COMMD1: variants seen among roughly 807,000 people sequenced by gnomAD.
The protein encoded by COMMD1 is copper metabolism domain containing 1, also known as COMM domain-containing protein 1.
Under a neutral mutation model 17.2 loss-of-function variants are expected in COMMD1, and 10 were observed. The ratio of observed to expected loss-of-function variants is 0.58; its 90% confidence interval spans 0.36 to 0.99. COMMD1 has a LOEUF of 0.99. COMMD1 is among the 50% of genes least tolerant of loss of function. The pLI, the probability that COMMD1 is intolerant of heterozygous loss-of-function variation, is 0.01. For missense variants in COMMD1, 270 were observed against 231.8 expected (o/e 1.17, Z -1.07); for synonymous variants, 97 against 91.6 (o/e 1.06, Z -0.34).
At chr2:62,044,884 C>T (rs1337697588) in intron 2 of COMMD1, among the ~76,000 whole-genome samples, 2 of 149,356 alleles carry the variant, frequency 1.3e-5, no homozygotes, top group Non-Finnish European at 3.0e-5. Context: ...AATAAACTAT[C>T]AAAGAGCTTC....
At chr2:62,086,949 A>C (rs913674043) in intron 2 of COMMD1, among the ~76,000 whole-genome samples, 5 of 151,746 alleles carry the variant, frequency 3.3e-5, no homozygotes, top group Middle Eastern at 3.4e-3. Context: ...TCTGCCTCTC[A>C]AGTAGCTGGG....
chr2:61,909,175 G>T (rs1669844186), intron 1 of COMMD1, among the ~76,000 whole-genome samples: 1 of 152,024 alleles, frequency 6.6e-6, no homozygotes, highest in Admixed American at 6.6e-5. Flanking sequence ...TGATCTGCCC[G>T]CCTCGGCCTC....
At chr2:62,113,520 A>G (rs1411655134) in intron 2 of COMMD1, among the ~76,000 whole-genome samples, 1 of 152,116 alleles carries the variant, frequency 6.6e-6, no homozygotes, top group East Asian at 1.9e-4. Context: ...AGTAGCTGGG[A>G]TCACAGGCAC....
At chr2:62,118,906 C>T (rs1303621356) in intron 2 of COMMD1, 1 of 152,202 alleles carries the variant, frequency 6.6e-6, no homozygotes, top group East Asian at 1.9e-4. Context: ...GTGAGATCAT[C>T]ACCATCAACC....
rs557480948 is a variant in COMMD1 at position 62,058,502 on chromosome 2, A to G, written c.462+57520A>G. 3.1e-3 allele frequency among the ~76,000 whole-genome samples: 470 copies of G among 152,272 alleles called. 1 individual carries two copies. The highest frequency in any genetic ancestry group is 0.011 in the African/African-American group (449 of 41,566). ...TCAAATTTTCTTCTTAAGACCAGGC[A>G]TGGTGGCTTATACCTGTAATTGCAG... On this transcript the variant is annotated intron_variant, in intron 2 of 2. Transcript: ENST00000311832.
chr2:62,041,756 C>G (rs778455340), intron 2 of COMMD1, among the ~76,000 whole-genome samples: 1 of 152,206 alleles, frequency 6.6e-6, no homozygotes, highest in Non-Finnish European at 1.5e-5. Context: ...GATGGTGTGT[C>G]TGGAGTTCGT....
chr2:61,926,431 C>A (rs1305695124), intron 1 of COMMD1, among the ~76,000 whole-genome samples: 1 of 152,048 alleles, frequency 6.6e-6, no homozygotes, highest in Non-Finnish European at 1.5e-5. Flanking sequence ...TGTCAAAAGA[C>A]AAAATTACAA....
chr2:61,898,972 G>GT (rs1390205182), intron 1 of COMMD1, among the ~76,000 whole-genome samples: 1 of 152,132 alleles, frequency 6.6e-6, no homozygotes, highest in African/African-American at 2.4e-5. Context: ...CTGCTACCAA[G>GT]TTTCAACAGT....
chr2:61,965,460 C>T (rs891287239), intron 1 of COMMD1, among the ~76,000 whole-genome samples: 2 of 152,140 alleles, frequency 1.3e-5, no homozygotes, highest in African/African-American at 2.4e-5. Flanking sequence ...AAGAGAAAGT[C>T]GTAGATGTCA....
At chr2:62,004,260 C>G (rs1377757523) in intron 2 of COMMD1, among the ~76,000 whole-genome samples, 2 of 152,138 alleles carry the variant, frequency 1.3e-5, no homozygotes, top group African/African-American at 4.8e-5. Context: ...AAGAAATAGT[C>G]ACAATGAAAA....
chr2:62,127,379 T>G (rs1358614448), intron 2 of COMMD1, among the ~76,000 whole-genome samples: 1 of 152,196 alleles, frequency 6.6e-6, no homozygotes, highest in Non-Finnish European at 1.5e-5. Flanking sequence ...GAAAGTATTT[T>G]AAAATTCATA....
At chr2:62,103,199 C>T (rs553823883) in intron 2 of COMMD1, among the ~76,000 whole-genome samples, 32 of 152,234 alleles carry the variant, frequency 2.1e-4, no homozygotes, top group African/African-American at 7.2e-4. Flanking sequence ...AGAACGATCT[C>T]GATCTCCTGA....
At chr2:61,955,452 A>G (rs1353273113) in intron 1 of COMMD1, among the ~76,000 whole-genome samples, 1 of 151,364 alleles carries the variant, frequency 6.6e-6, no homozygotes, top group Non-Finnish European at 1.5e-5. Context: ...TTTTCTTTTG[A>G]ACTGCGTAAG....
chr2:61,932,633 T>G (rs970012474), intron 1 of COMMD1, among the ~76,000 whole-genome samples: 13 of 151,968 alleles, frequency 8.6e-5, no homozygotes, highest in African/African-American at 2.9e-4. Flanking sequence ...TGGGAGGTAA[T>G]TAGGATTAGA....
At chr2:61,938,199 A>T (rs1358505258) in intron 1 of COMMD1, among the ~76,000 whole-genome samples, 4 of 151,930 alleles carry the variant, frequency 2.6e-5, no homozygotes, top group Non-Finnish European at 5.9e-5. Flanking sequence ...CTGATGGTCC[A>T]CACCTGTTAA....
intron 2 of COMMD1, among the ~76,000 whole-genome samples, chr2:62,094,256 C>T (rs1671933807): frequency 6.6e-6 from 1 of 152,122 alleles, no homozygotes. Context: ...TCATAAGAGG[C>T]AAAGCAGCTA....
At chr2:62,101,605 G>GTCTC (rs376021160) in intron 2 of COMMD1, among the ~76,000 whole-genome samples, 11 of 151,176 alleles carry the variant, frequency 7.3e-5, no homozygotes, top group South Asian at 2.1e-4. Flanking sequence ...ACAAGACCCT[G>GTCTC]TCTCTCTCTC....
intron 1 of COMMD1, among the ~76,000 whole-genome samples, chr2:61,890,979 G>A (rs1669416612): frequency 6.6e-6 from 1 of 152,140 alleles, no homozygotes; most frequent in Non-Finnish European, 1.5e-5. Flanking sequence ...GTAATATGTT[G>A]GAAACAAGTG....
intron 2 of COMMD1, among the ~76,000 whole-genome samples, chr2:62,016,248 G>A (rs1265413031): frequency 2.6e-5 from 3 of 115,212 alleles, no homozygotes; most frequent in Admixed American, 1.2e-4. Flanking sequence ...TTGCTCTATC[G>A]CCCAAGCTGG....
Sources: gnomAD v4.1 joint callset for allele counts (sites outside exome capture counted in the v4.1 genomes callset) on GRCh38, gnomAD v4.1.1 for gene constraint, MANE v1.5 for transcripts, NCBI Gene and HGNC (gene_info 2026-07-23, HGNC 2026-07-21) for gene names.